Variants in ANK3 observed in about 807,000 individuals in gnomAD.
ANK3 encodes ankyrin 3, also known as ankyrin-3.
ANK3 carries 57 observed loss-of-function variants against 370.9 expected under a neutral mutation model. That is an observed-to-expected ratio of 0.15 (90% confidence interval 0.12 to 0.19). The LOEUF (loss-of-function observed/expected upper bound fraction) is 0.19. Among genes scored for constraint, ANK3 ranks in the 10% least tolerant of loss-of-function variants. The probability of loss-of-function intolerance (pLI) is 1.00; values close to 1 mark genes in which losing one functional copy is unlikely to be tolerated. For missense variants in ANK3, 4,439 were observed against 5,302.1 expected, an observed-to-expected ratio of 0.84 and a Z score of 5.06; for synonymous variants, 1,929 against 1,946.3, an observed-to-expected ratio of 0.99 and a Z score of 0.23.
At chr10:60,653,241 A>G (rs1366949446) in intron 1 of ANK3, among the ~76,000 whole-genome samples, 1 of 152,116 alleles carries the variant, frequency 6.6e-6, no homozygotes, top group Admixed American at 6.5e-5. Flanking sequence ...CAAGGTCACA[A>G]ATATTTTTCT....
intron 8 of ANK3, among the ~76,000 whole-genome samples, chr10:60,220,444 A>G (rs2097028123): frequency 6.6e-6 from 1 of 152,158 alleles, no homozygotes; most frequent in Non-Finnish European, 1.5e-5. Flanking sequence ...TTTCGGAATT[A>G]CTGATAGAAC....
chr10:60,568,249 G>T (rs942495114), intron 2 of ANK3, among the ~76,000 whole-genome samples: 4 of 152,104 alleles, frequency 2.6e-5, no homozygotes, highest in Non-Finnish European at 4.4e-5. Flanking sequence ...CTTCACTGTT[G>T]TCTTATTTTA....
intron 2 of ANK3, among the ~76,000 whole-genome samples, chr10:60,444,204 G>A (rs1487896789): frequency 1.3e-5 from 2 of 151,478 alleles, no homozygotes; most frequent in Non-Finnish European, 2.9e-5. Flanking sequence ...CTAAAATTCT[G>A]GCAACTGATT....
rs200666755 is a variant in ANK3 at position 60,055,951 on chromosome 10, T to G, written c.12772A>C (p.Thr4258Pro). Residue 4258 changes from threonine to proline, a missense_variant, in exon 42 of 44, where the codon ACT becomes CCT. By Grantham distance (38) the Thr-to-Pro change is conservative. This residue lies in a region of ANK3 where 242 missense variants were observed against 228.0 expected (regional missense o/e 1.06). Coordinates refer to ENST00000280772, the MANE Select transcript of ANK3 (RefSeq NM_020987.5). Reference protein sequence around the residue: ...FEANGSHTEITPEAKTKSYFP... With the variant: ...FEANGSHTEIPPEAKTKSYFP... ...TAAGATTTTGTCTTTGCTTCTGGAG[T>G]GATTTCTGTATGGCTTCCATTTGCT... The G allele has an allele frequency of 6.2e-7, 1 of 1,614,122 alleles. No homozygotes were observed. Among genetic ancestry groups the G allele is most frequent in the East Asian group, 2.2e-5 (1 of 44,888 alleles).
intron 2 of ANK3, among the ~76,000 whole-genome samples, chr10:60,574,641 C>T (rs1259069256): frequency 6.6e-6 from 1 of 152,166 alleles, no homozygotes; most frequent in African/African-American, 2.4e-5. Context: ...ACTGGCAGTA[C>T]CTTTACTGCT....
chr10:60,438,328 C>T (rs942183283), intron 2 of ANK3, among the ~76,000 whole-genome samples: 9 of 151,998 alleles, frequency 5.9e-5, no homozygotes, highest in African/African-American at 1.9e-4. Context: ...ATGAGAACTC[C>T]GTTGTCTGAA....
chr10:60,134,266 C>G lies in ANK3; in HGVS notation c.2841+5G>C. 6.2e-7 allele frequency: 1 copy of G among 1,610,322 alleles called. No individual in the cohort carries two copies. The highest frequency in any genetic ancestry group is 8.5e-7 in the Non-Finnish European group (1 of 1,177,460). On this transcript the variant is annotated splice_donor_5th_base_variant and intron_variant, in intron 25 of 43. Transcript: ENST00000280772. ...GTCAAAGGCTATTTTGAAAAGAATG[C>G]ATACCTGCTCTTTGGATGGCACAAG...
chr10:60,386,351 T>G (rs2062314639), intron 1 of ANK3, among the ~76,000 whole-genome samples: 1 of 151,906 alleles, frequency 6.6e-6, no homozygotes, highest in South Asian at 2.1e-4. Context: ...AAGATACTCA[T>G]TCAAACTTTT....
chr10:60,248,183 G>T (rs997123253), intron 7 of ANK3, among the ~76,000 whole-genome samples: 1 of 151,860 alleles, frequency 6.6e-6, no homozygotes, highest in Non-Finnish European at 1.5e-5. Flanking sequence ...CATTATTTTG[G>T]GTATATACCC....
At chr10:60,479,954 A>G (rs2133098925) in intron 2 of ANK3, among the ~76,000 whole-genome samples, 1 of 152,288 alleles carries the variant, frequency 6.6e-6, no homozygotes, top group East Asian at 1.9e-4. Flanking sequence ...GATTGCTCCC[A>G]TTACATCATA....
intron 24 of ANK3, among the ~76,000 whole-genome samples, chr10:60,135,985 T>C (rs80273468): frequency 0.01 from 1,536 of 151,836 alleles, 27 homozygotes; most frequent in African/African-American, 0.035. Context: ...TAAAAGACCA[T>C]TATAAGCATA....
intron 1 of ANK3, among the ~76,000 whole-genome samples, chr10:60,645,735 G>T (rs116417463): frequency 0.044 from 6,588 of 151,034 alleles, 171 homozygotes; most frequent in Middle Eastern, 0.075. Context: ...AAGAGAAAAA[G>T]AAAAAAGAAA....
chr10:60,496,144 T>C (rs894670326), intron 2 of ANK3, among the ~76,000 whole-genome samples: 14 of 152,214 alleles, frequency 9.2e-5, no homozygotes, highest in African/African-American at 3.1e-4. Flanking sequence ...GAGTAATTTA[T>C]GATTTAGATG....
At chr10:60,541,916 T>C (rs1438966928) in intron 2 of ANK3, among the ~76,000 whole-genome samples, 3 of 151,946 alleles carry the variant, frequency 2.0e-5, no homozygotes, top group East Asian at 3.9e-4. Flanking sequence ...TTTGGTACAG[T>C]AGGCAAAGTT....
At chr10:60,321,123 GCTCACACCTGTAAT>G (rs1347097662) in intron 1 of ANK3, among the ~76,000 whole-genome samples, 1 of 152,106 alleles carries the variant, frequency 6.6e-6, no homozygotes, top group Non-Finnish European at 1.5e-5. Flanking sequence ...GGGCATGGTG[GCTCACACCTGTAAT>G]CCCAGCAATT....
chr10:60,395,613 T>G (rs1355647935), intron 2 of ANK3, among the ~76,000 whole-genome samples: 1 of 80,890 alleles, frequency 1.2e-5, no homozygotes, highest in African/African-American at 6.0e-5. Flanking sequence ...TCTTTCTCTC[T>G]TTCGTTCTCT....
chr10:60,210,178 C>T (rs1387524581), intron 9 of ANK3, among the ~76,000 whole-genome samples: 17 of 152,024 alleles, frequency 1.1e-4, no homozygotes, highest in Non-Finnish European at 2.9e-5. Flanking sequence ...GTATTGCACT[C>T]AACAAGGAAA....
intron 7 of ANK3, among the ~76,000 whole-genome samples, chr10:60,250,622 C>T (rs570027748): frequency 2.4e-4 from 36 of 152,294 alleles, no homozygotes; most frequent in Admixed American, 2.2e-3. Context: ...TCCTTGGCCT[C>T]CCAAAGTTCT....
At chr10:60,460,234 C>T (rs1200040265) in intron 2 of ANK3, among the ~76,000 whole-genome samples, 1 of 152,124 alleles carries the variant, frequency 6.6e-6, no homozygotes, top group Non-Finnish European at 1.5e-5. Flanking sequence ...CACTTGCCGT[C>T]AGGAGCAAAC....
Sources: allele counts gnomAD v4.1 joint callset (sites outside exome capture counted in the v4.1 genomes callset), GRCh38; gene constraint gnomAD v4.1.1; regional missense constraint gnomAD v4.1.1; transcripts MANE v1.5; gene names NCBI Gene and HGNC (gene_info 2026-07-23, HGNC 2026-07-21).